KLHL1: variants seen among roughly 807,000 people sequenced by gnomAD.
KLHL1 encodes kelch-like protein 1.
In KLHL1, 47 loss-of-function variants were observed where a neutral mutation model predicts 77.7. The ratio of observed to expected loss-of-function variants is 0.60; its 90% CI spans 0.48 to 0.77. The LOEUF (loss-of-function observed/expected upper bound fraction) is 0.77. Ranked by LOEUF, KLHL1 falls within the 30% of genes least tolerant of loss-of-function variation. The probability of loss-of-function intolerance (pLI) is 0.00; values close to 1 mark genes in which losing one functional copy is unlikely to be tolerated. For synonymous variants in KLHL1, 360 were observed against 325.2 expected (o/e 1.11, Z -1.15); for missense variants, 925 against 910.8 (o/e 1.02, Z -0.20).
At chr13:69,924,781 G>A (rs1450415366) in intron 4 of KLHL1, among the ~76,000 whole-genome samples, 1 of 152,192 alleles carries the variant, frequency 6.6e-6, no homozygotes, top group Non-Finnish European at 1.5e-5. Context: ...CTGAGCCAGG[G>A]CTGTGACACC....
At chr13:70,009,175 T>A (rs769316929) in intron 1 of KLHL1, among the ~76,000 whole-genome samples, 3 of 152,138 alleles carry the variant, frequency 2.0e-5, no homozygotes, top group Non-Finnish European at 4.4e-5. Context: ...TTAATAAGTC[T>A]TATGGAGACA....
intron 2 of KLHL1, 148 bp downstream of exon 2, chr13:69,975,472 T>G: frequency 3.0e-6 from 2 of 672,004 alleles, no homozygotes; most frequent in Non-Finnish European, 4.8e-6. Context: ...AAAACAAGTA[T>G]AAACAAAACA....
Position 69,714,166 on chromosome 13 carries a change from T to C in KLHL1, c.2015+5203A>G, listed in dbSNP as rs549585000. On this transcript the variant is annotated intron_variant, in intron 9 of 10. Coordinates refer to ENST00000377844, the MANE Select transcript of KLHL1 (RefSeq NM_020866.3). Reference sequence around the variant, plus strand: ...CCTTCTCAATATCTGTTGTTCATTTTCAATGCAAAAAAAATTTTAAAGTTA... The same window carrying C: ...CCTTCTCAATATCTGTTGTTCATTTCCAATGCAAAAAAAATTTTAAAGTTA... Among the ~76,000 whole-genome samples the C allele has an allele frequency of 2.0e-5, 3 of 152,300 alleles. No individual in the cohort carries two copies. The East Asian group carries it at 5.8e-4, about 29-fold the overall frequency.
At chr13:69,840,201 G>C (rs1197377772) in intron 5 of KLHL1, among the ~76,000 whole-genome samples, 15 of 151,928 alleles carry the variant, frequency 9.9e-5, no homozygotes. Flanking sequence ...GTGCCATAAA[G>C]AGTATAGAAA....
At chr13:69,849,559 T>C (rs993302489) in intron 5 of KLHL1, among the ~76,000 whole-genome samples, 1 of 151,498 alleles carries the variant, frequency 6.6e-6, no homozygotes, top group Non-Finnish European at 1.5e-5. Context: ...ATGACCCGAA[T>C]CTTCAGAGTC....
At chr13:70,094,393 T>TTATACATATATATATATATATATATA (rs1555296828) in intron 1 of KLHL1, among the ~76,000 whole-genome samples, 3 of 137,148 alleles carry the variant, frequency 2.2e-5, no homozygotes, top group African/African-American at 9.5e-5. Context: ...GCAATCATCT[T>TTATACATATATATATATATATATATA]TATATATATA....
intron 7 of KLHL1, among the ~76,000 whole-genome samples, chr13:69,743,320 G>A (rs1395604823): frequency 5.9e-5 from 9 of 152,164 alleles, no homozygotes; most frequent in Admixed American, 5.9e-4. Flanking sequence ...GCGGTAGGGA[G>A]ATGATTAGAA....
intron 1 of KLHL1, among the ~76,000 whole-genome samples, chr13:70,040,475 T>A (rs558348037): frequency 6.6e-6 from 1 of 152,282 alleles, no homozygotes; most frequent in African/African-American, 2.4e-5. Flanking sequence ...TTCTTCTTAT[T>A]CCATATAGAA....
intron 1 of KLHL1, among the ~76,000 whole-genome samples, chr13:69,995,378 T>C (rs1308753226): frequency 1.3e-5 from 2 of 152,158 alleles, no homozygotes; most frequent in African/African-American, 4.8e-5. Context: ...AACAGTCCAC[T>C]GAGTTATTAC....
intron 9 of KLHL1, among the ~76,000 whole-genome samples, chr13:69,710,291 A>G (rs1240365285): frequency 6.6e-6 from 1 of 151,946 alleles, no homozygotes; most frequent in Non-Finnish European, 1.5e-5. Context: ...ATACATATAT[A>G]TTTTAAATTT....
intron 1 of KLHL1, among the ~76,000 whole-genome samples, chr13:70,106,619 A>G (rs1051037009): frequency 3.9e-5 from 6 of 152,258 alleles, no homozygotes; most frequent in African/African-American, 1.4e-4. Flanking sequence ...ACAAGGCAAG[A>G]GTGAACACAA....
intron 1 of KLHL1, among the ~76,000 whole-genome samples, chr13:70,011,192 GA>G (rs1885525919): frequency 6.6e-6 from 1 of 152,070 alleles, no homozygotes; most frequent in Non-Finnish European, 1.5e-5. Flanking sequence ...AGTGAGAAAA[GA>G]GGGAAACCAA....
chr13:69,780,477 C>G (rs1156706065), intron 7 of KLHL1, among the ~76,000 whole-genome samples: 1 of 151,526 alleles, frequency 6.6e-6, no homozygotes, highest in Admixed American at 6.6e-5. Context: ...AGTGTCTGCA[C>G]TAAAACAAGT....
chr13:70,023,566 A>G (rs1442393381), intron 1 of KLHL1, among the ~76,000 whole-genome samples: 1 of 151,960 alleles, frequency 6.6e-6, no homozygotes, highest in Non-Finnish European at 1.5e-5. Flanking sequence ...AGGAACCAGC[A>G]AGTTCACAAA....
At chr13:70,022,959 T>C (rs1278234486) in intron 1 of KLHL1, among the ~76,000 whole-genome samples, 1 of 151,954 alleles carries the variant, frequency 6.6e-6, no homozygotes, top group East Asian at 1.9e-4. Context: ...TCATGAGTTA[T>C]TTATGTTGAA....
At chr13:69,780,702 G>GTA (rs1491418114) in intron 7 of KLHL1, among the ~76,000 whole-genome samples, 1,665 of 47,124 alleles carry the variant, frequency 0.035, 91 homozygotes, top group African/African-American at 0.16. Flanking sequence ...ATATATATAT[G>GTA]TATATATATA....
intron 4 of KLHL1, among the ~76,000 whole-genome samples, chr13:69,887,334 T>C (rs1593918892): frequency 6.6e-6 from 1 of 152,318 alleles, no homozygotes; most frequent in Admixed American, 6.5e-5. Context: ...ACAGTGGCTG[T>C]TTCCTCAGAG....
intron 4 of KLHL1, among the ~76,000 whole-genome samples, chr13:69,920,555 G>T (rs1050773851): frequency 1.3e-5 from 2 of 151,940 alleles, no homozygotes; most frequent in Non-Finnish European, 2.9e-5. Flanking sequence ...ATATTGAGGA[G>T]CAATATAACA....
chr13:69,781,045 ACTT>A (rs1226279880), intron 7 of KLHL1, among the ~76,000 whole-genome samples: 15 of 151,666 alleles, frequency 9.9e-5, no homozygotes, highest in African/African-American at 3.4e-4. Context: ...GTAGAATCAG[ACTT>A]CTTCTAAGCA....
Sources: allele counts gnomAD v4.1 joint callset (sites outside exome capture counted in the v4.1 genomes callset), GRCh38; gene constraint gnomAD v4.1.1; transcripts MANE v1.5; gene names NCBI Gene and HGNC (gene_info 2026-07-23, HGNC 2026-07-21).